Variants in SMIM36 observed in about 807,000 individuals in gnomAD.
The protein encoded by SMIM36 is small integral membrane protein 36.
rs773558058 is a variant in SMIM36, at chr17:55,485,275, G to T, written c.*175-5695C>A. Among the ~76,000 whole-genome samples the T allele has an allele frequency of 1.1e-3, 169 of 151,724 alleles. 1 individual carries two copies. The highest frequency in any genetic ancestry group is 1.2e-3 in the Non-Finnish European group (84 of 67,960). On this transcript the variant is annotated intron_variant, in intron 1 of 4. Transcript: ENST00000636752. ...ATAATCAAAATAAAAATCTAAATCT[G>T]AAAAGAAACATTTTCTCTCTTTTGT...
At chr17:55,530,330 T>C in the SMIM36 span, among the ~76,000 whole-genome samples, 1 of 152,332 alleles carries the variant, frequency 6.6e-6, no homozygotes, top group Admixed American at 6.5e-5. Flanking sequence ...CAGAATGATG[T>C]GGACTTCACC....
In SMIM36 at chr17:55,502,084, A is replaced by G. The variant is rs368213861; in HGVS notation, c.*174+8795T>C. 9.7e-3 allele frequency among the ~76,000 whole-genome samples: 1,467 copies of G among 151,366 alleles called. 4 individuals carry two copies. Among genetic ancestry groups the G allele is most frequent in the African/African-American group, 0.033 (1,347 of 41,030 alleles). On this transcript the variant is annotated intron_variant, in intron 1 of 4. Coordinates refer to ENST00000636752, the Ensembl canonical transcript of SMIM36. ...GCTCTGAGGGTCCTACGCCCACGGA[A>G]TCTCGCTGATTGCTAGCACAGCAGT...
chr17:55,509,269 A>G (rs566681587), intron 1 of SMIM36, among the ~76,000 whole-genome samples: 47 of 152,316 alleles, frequency 3.1e-4, no homozygotes, highest in African/African-American at 1.1e-3. Context: ...GTTGGACACC[A>G]TCAGACCTTC....
At chr17:55,510,667 G>A (rs963577157) in intron 1 of SMIM36, among the ~76,000 whole-genome samples, 1 of 152,074 alleles carries the variant, frequency 6.6e-6, no homozygotes, top group African/African-American at 2.4e-5. Flanking sequence ...AGACTAGACT[G>A]GAGTTAGTCT....
At chr17:55,495,753 C>T (rs909505501) in intron 1 of SMIM36, among the ~76,000 whole-genome samples, 12 of 152,090 alleles carry the variant, frequency 7.9e-5, no homozygotes, top group African/African-American at 2.9e-4. Flanking sequence ...ATGATTGTAC[C>T]ACTGCTTTCC....
chr17:55,488,357 C>T (rs1909643257), intron 1 of SMIM36, among the ~76,000 whole-genome samples: 1 of 152,212 alleles, frequency 6.6e-6, no homozygotes, highest in Non-Finnish European at 1.5e-5. Context: ...GCCTTTCTTT[C>T]AAACACTTAC....
intron 2 of SMIM36, among the ~76,000 whole-genome samples, chr17:55,479,114 C>T (rs2143272845): frequency 6.6e-6 from 1 of 152,286 alleles, no homozygotes; most frequent in Admixed American, 6.5e-5. Flanking sequence ...CAATGACTTC[C>T]AAGGACAGAG....
chr17:55,452,162 A>G (rs899845846), intron 4 of SMIM36, among the ~76,000 whole-genome samples: 9 of 151,908 alleles, frequency 5.9e-5, no homozygotes, highest in African/African-American at 2.2e-4. Context: ...TTTGACCCAC[A>G]TATGGTTTTA....
chr17:55,492,278 C>G (rs1164155258), intron 1 of SMIM36, among the ~76,000 whole-genome samples: 3 of 76,694 alleles, frequency 3.9e-5, no homozygotes, highest in African/African-American at 1.4e-4. Flanking sequence ...GAGTCTTATT[C>G]TGTCACCAGG....
intron 4 of SMIM36, among the ~76,000 whole-genome samples, chr17:55,455,105 A>G (rs953242093): frequency 1.3e-4 from 20 of 152,172 alleles, no homozygotes; most frequent in African/African-American, 4.8e-4. Context: ...CTGATTTCCA[A>G]ATTTCCCTCT....
chr17:55,479,242 GACCACA>G (rs1342019716), intron 2 of SMIM36, among the ~76,000 whole-genome samples: 1 of 152,142 alleles, frequency 6.6e-6, no homozygotes, highest in Non-Finnish European at 1.5e-5. Context: ...CATTGCTTAG[GACCACA>G]GGCAGGTGTC....
chr17:55,519,712 C>A, the SMIM36 span, among the ~76,000 whole-genome samples: 2 of 152,078 alleles, frequency 1.3e-5, no homozygotes, highest in Non-Finnish European at 2.9e-5. Flanking sequence ...CAATGGTGGT[C>A]AGGAGGTTGC....
intron 1 of SMIM36, among the ~76,000 whole-genome samples, chr17:55,492,652 C>T (rs1909734417): frequency 6.6e-6 from 1 of 150,412 alleles, no homozygotes; most frequent in Non-Finnish European, 1.5e-5. Context: ...GAAAAACACA[C>T]ACACATCAAT....
In SMIM36 at chr17:55,450,653, G is replaced by A. The variant is rs544907475; in HGVS notation, c.*532-355C>T. Among the ~76,000 whole-genome samples the A allele has an allele frequency of 2.0e-4, 30 of 152,314 alleles. No homozygotes were observed. The South Asian group carries it at 5.0e-3, about 25-fold the overall frequency. Reference sequence around the variant, plus strand: ...GGAACCCGGGTGCAATACCCAGATAGTACTCCTTGCTTTCTGCTTACAGCC... The same window carrying A: ...GGAACCCGGGTGCAATACCCAGATAATACTCCTTGCTTTCTGCTTACAGCC... On this transcript the variant is annotated intron_variant, in intron 4 of 4. Coordinates refer to ENST00000636752, the Ensembl canonical transcript of SMIM36.
intron 4 of SMIM36, among the ~76,000 whole-genome samples, chr17:55,457,145 C>A (rs889476356): frequency 6.6e-6 from 1 of 152,028 alleles, no homozygotes; most frequent in African/African-American, 2.4e-5. Context: ...AATAAATCTG[C>A]CTTATTAGAA....
chr17:55,460,453 A>AAC (rs1567862727), intron 4 of SMIM36, among the ~76,000 whole-genome samples: 5 of 103,700 alleles, frequency 4.8e-5, no homozygotes, highest in Non-Finnish European at 1.2e-4. Flanking sequence ...AAAACAAAAC[A>AAC]AAAAAAAAGA....
At chr17:55,515,086 G>GTTTTTTTTTTTT (rs1158864125), upstream of SMIM36, among the ~76,000 whole-genome samples, 7 of 54,098 alleles carry the variant, frequency 1.3e-4, 1 homozygote, top group Non-Finnish European at 1.3e-4. Flanking sequence ...CTAGTCTAGT[G>GTTTTTTTTTTTT]TTTTTTTTTT....
intron 1 of SMIM36, among the ~76,000 whole-genome samples, chr17:55,509,122 C>T (rs544837553): frequency 1.3e-5 from 2 of 152,136 alleles, no homozygotes; most frequent in South Asian, 2.1e-4. Context: ...ATTATCTTCA[C>T]GTTTGTTACA....
chr17:55,522,611 G>T, the SMIM36 span, among the ~76,000 whole-genome samples: 1 of 152,204 alleles, frequency 6.6e-6, no homozygotes, highest in African/African-American at 2.4e-5. Flanking sequence ...AACTGCCCCT[G>T]TGATTCAATT....
Sources: gnomAD v4.1 joint callset for allele counts (sites outside exome capture counted in the v4.1 genomes callset) on GRCh38, gnomAD v4.1.1 for gene constraint, MANE v1.5 for transcripts, NCBI Gene and HGNC (gene_info 2026-07-23, HGNC 2026-07-21) for gene names.